The following ATP2A3 variants were observed in gnomAD, a reference collection of about 807,000 sequenced individuals.
ATP2A3 encodes the protein ATPase sarcoplasmic/endoplasmic reticulum Ca2+ transporting 3.
Under a neutral mutation model 106.8 loss-of-function variants are expected in ATP2A3, and 61 were observed. That is an observed-to-expected ratio of 0.57 (90% CI 0.46 to 0.71). The LOEUF (loss-of-function observed/expected upper bound fraction) is 0.71, where lower values mean the gene tolerates loss of function less well. Among genes scored for constraint, ATP2A3 ranks in the 30% least tolerant of loss-of-function variants. The probability of loss-of-function intolerance (pLI) is 0.00; values close to 1 mark genes in which losing one functional copy is unlikely to be tolerated. For missense variants in ATP2A3, 1,201 were observed against 1,423.5 expected, an observed-to-expected ratio of 0.84 and a Z score of 2.52; for synonymous variants, 611 against 609.3, an observed-to-expected ratio of 1.00 and a Z score of -0.04.
chr17:3,934,522 C>CTTT (rs111586874), intron 17 of ATP2A3, among the ~76,000 whole-genome samples: 38 of 123,386 alleles, frequency 3.1e-4, no homozygotes, highest in African/African-American at 6.7e-4. Context: ...CCCCTCGATT[C>CTTT]TTTTTTTTTT....
chr17:3,933,828 G>A (rs1289393554), intron 17 of ATP2A3, among the ~76,000 whole-genome samples: 1 of 151,778 alleles, frequency 6.6e-6, no homozygotes, highest in African/African-American at 2.4e-5. Flanking sequence ...TTCTACTGGT[G>A]AGGCCACTGC....
chr17:3,952,762 T>C (rs1372693746), intron 3 of ATP2A3, among the ~76,000 whole-genome samples: 2 of 152,120 alleles, frequency 1.3e-5, no homozygotes, highest in African/African-American at 4.8e-5. Context: ...GCTAATGTTT[T>C]TGTATTTTTT....
chr17:3,950,630 T>C, intron 6 of ATP2A3, 34 bp from the exon 7 acceptor site: 1 of 1,613,778 alleles, frequency 6.2e-7, no homozygotes, highest in Non-Finnish European at 8.5e-7. Context: ...AAGCCCCACA[T>C]GAAGACACGC....
In ATP2A3 at chr17:3,951,648, G is replaced by T. The variant is rs1263080292; in HGVS notation, c.257C>A (p.Thr86Asn). 1 of 1,611,674 alleles carries T rather than the reference G, an allele frequency of 6.2e-7. No individual in the cohort carries two copies. Among genetic ancestry groups the T allele is most frequent in the Non-Finnish European group, 8.5e-7 (1 of 1,179,406 alleles). ...GATGACCAGGGGCTCCACGAAGGCGGTCGTGGTCTCCTCGCCCTCCTCGAA... is the reference window on the plus strand; with the variant it reads ...GATGACCAGGGGCTCCACGAAGGCGTTCGTGGTCTCCTCGCCCTCCTCGAA... ...AWFEEGEETT[T>N]AFVEPLVIML... is the part of the protein sequence containing the mutation. Residue 86 changes from threonine (T) to asparagine (N), a missense_variant, in exon 4 of 21, where the codon ACC becomes AAC. Physicochemically the swap from Thr to Asn is moderately conservative, Grantham distance 65 (BLOSUM62 0). Transcript: ENST00000397041.
rs2053766803 is a variant in ATP2A3 at position 3,941,423 on chromosome 17, C to T, written c.1764+13G>A. ...CACCTCGTACTGCAGGGAGAATCGGCTCCTGCACCCACCTCGTACTGCACA... is the reference window on the plus strand; with the variant it reads ...CACCTCGTACTGCAGGGAGAATCGGTTCCTGCACCCACCTCGTACTGCACA... On this transcript the variant is annotated intron_variant, in intron 13 of 20. Coordinates refer to ENST00000397041, the MANE Select transcript of ATP2A3 (RefSeq NM_005173.4). 6.2e-7 allele frequency: 1 copy of T among 1,613,980 alleles called. No homozygotes were observed.
chr17:3,961,931 C>G (rs776052691), intron 1 of ATP2A3, among the ~76,000 whole-genome samples: 1 of 152,172 alleles, frequency 6.6e-6, no homozygotes, highest in Non-Finnish European at 1.5e-5. Flanking sequence ...CTCATCAGCT[C>G]CACCCCAGCA....
Position 3,953,424 on chromosome 17 carries a change from A to G in ATP2A3, c.142T>C (p.Ser48Pro), listed in dbSNP as rs1448932841. 3.1e-6 allele frequency: 5 copies of G among 1,613,886 alleles called. No individual in the cohort carries two copies. The South Asian group carries it at 5.5e-5, about 18-fold the overall frequency. Residue 48 changes from serine (S) to proline (P), a missense_variant, in exon 3 of 21, where the codon TCC becomes CCC. Transcript: ENST00000397041. This position sits in a 1 kb window ranked among gnomAD's most constrained non-coding sequence, Gnocchi z 5.1. The part of the protein sequence containing the change: ...PNELPSEEGK[S>P]LWELVLEQFE... Reference sequence around the variant, plus strand: ...TGTTCCAGCACCAGCTCCCACAGGGACTTCCCTGGGAACGGGGGTCATGTG... The same window carrying G: ...TGTTCCAGCACCAGCTCCCACAGGGGCTTCCCTGGGAACGGGGGTCATGTG...
Position 3,929,324 on chromosome 17 carries a change from T to A in ATP2A3, c.2862+4A>T, listed in dbSNP as rs2144231705. ...AGGGCAGTGGGGCAGGCGGGGTGAC[T>A]CACAGGCAGGGGCGGCACGAGCAGG... is the stretch of plus-strand genomic sequence containing the variant. On this transcript the variant is annotated splice_donor_region_variant and intron_variant, in intron 19 of 20. Coordinates refer to ENST00000397041, the MANE Select transcript of ATP2A3 (RefSeq NM_005173.4). This position sits in a 1 kb window ranked among gnomAD's most constrained non-coding sequence, Gnocchi z 4.3. The A allele has an allele frequency of 6.5e-7, 1 of 1,550,252 alleles. No individual in the cohort carries two copies. The highest frequency in any genetic ancestry group is 8.7e-7 in the Non-Finnish European group (1 of 1,146,892).
At position 3,928,012 on chromosome 17, in the gene ATP2A3, C is replaced by G. The variant is rs113298390; in HGVS notation, c.2980+651G>C. On this transcript the variant is annotated intron_variant, in intron 20 of 20. Transcript: ENST00000397041. This position sits in a 1 kb window ranked among gnomAD's most constrained non-coding sequence, Gnocchi z 6.1. Reference sequence around the variant, plus strand: ...TTCCTCCCTCTCTGAGCAGCTCTGACAGCGAGACGATGCTGTGTCCCTGGC... The same window carrying G: ...TTCCTCCCTCTCTGAGCAGCTCTGAGAGCGAGACGATGCTGTGTCCCTGGC... The G allele has an allele frequency of 3.1e-6, 5 of 1,614,094 alleles. No individual in the cohort carries two copies. Among genetic ancestry groups the G allele is most frequent in the Non-Finnish European group, 4.2e-6 (5 of 1,180,024 alleles).
At chr17:3,944,835 A>G in intron 9 of ATP2A3, 29 bp from the exon 10 acceptor site, 1 of 1,585,386 alleles carries the variant, frequency 6.3e-7, no homozygotes, top group Non-Finnish European at 8.6e-7. Flanking sequence ...CACCAGGAGG[A>G]CCTCGGCTCC....
At chr17:3,957,719 T>G (rs775902266) in intron 1 of ATP2A3, among the ~76,000 whole-genome samples, 5 of 152,218 alleles carry the variant, frequency 3.3e-5, no homozygotes, top group Non-Finnish European at 2.9e-5. Flanking sequence ...CCTTCCTTGC[T>G]CTCTCCCAGG....
At position 3,950,678 on chromosome 17, in the gene ATP2A3, T is replaced by C. The variant is rs749717283; in HGVS notation, c.544+15A>G. ...CCTGGCCCACTAGGTCCCGGCCTCC[T>C]GGGGGGGGCCTCACCCGTCAGGATG... is the stretch of plus-strand genomic sequence containing the variant. On this transcript the variant is annotated intron_variant, in intron 6 of 20. Coordinates refer to ENST00000397041, the MANE Select transcript of ATP2A3 (RefSeq NM_005173.4). The C allele has an allele frequency of 1.7e-5, 27 of 1,611,124 alleles. No individual in the cohort carries two copies. The African/African-American group carries it at 3.6e-4, about 22-fold the overall frequency.
chr17:3,925,512 C>A lies in ATP2A3; in HGVS notation c.2981-71G>T, dbSNP rs1597550896. The stretch of plus-strand genomic sequence containing the variant: ...ACACATCCAGACAGCTTCCTTCCAG[C>A]CCCTTCCATCCTCCACTTCTCCCAG... On this transcript the variant is annotated intron_variant, in intron 20 of 20. Transcript: ENST00000397041. This position sits in a 1 kb window ranked among gnomAD's most constrained non-coding sequence, Gnocchi z 4.2. 4.5e-6 allele frequency: 7 copies of A among 1,543,036 alleles called. No individual in the cohort carries two copies. The East Asian group carries it at 9.3e-5, about 21-fold the overall frequency.
chr17:3,927,985 G>C, intron 20 of ATP2A3: 2 of 1,613,940 alleles, frequency 1.2e-6, no homozygotes, highest in Non-Finnish European at 1.7e-6. Context: ...GCTCACCCCT[G>C]CTTCCTCCCT....
chr17:3,943,445 G>C lies in ATP2A3; in HGVS notation c.1365C>G (p.Phe455Leu), dbSNP rs761171240. The change falls in exon 11 of 21, where the codon TTC becomes TTG. Residue 455 changes from phenylalanine to leucine, a missense_variant. Physicochemically the swap from Phe to Leu is conservative, Grantham distance 22. Around this residue, in one of 2 missense-constraint regions of ATP2A3, gnomAD observed 935 missense variants for 1,176.7 expected, o/e 0.79. Transcript: ENST00000397041. ...GGGACAGAGCCTGCAGGTCGGTGTC[G>C]AACACGTTCATCTTCTCCACCAGGC... Reference protein sequence around the residue: ...LTCLVEKMNVFDTDLQALSRV... With the variant: ...LTCLVEKMNVLDTDLQALSRV... 1.3e-5 allele frequency: 21 copies of C among 1,613,886 alleles called. No homozygotes were observed. The highest frequency in any genetic ancestry group is 1.6e-5 in the Non-Finnish European group (19 of 1,179,996).
At position 3,929,324 on chromosome 17, in the gene ATP2A3, TCA is replaced by T; in HGVS notation, c.2862+2_2862+3del. The T allele has an allele frequency of 6.5e-7, 1 of 1,550,252 alleles. No individual in the cohort carries two copies. Among genetic ancestry groups the T allele is most frequent in the Non-Finnish European group, 8.7e-7 (1 of 1,146,892 alleles). ...AGGGCAGTGGGGCAGGCGGGGTGAC[TCA>T]CAGGCAGGGGCGGCACGAGCAGGAT... On this transcript the variant is annotated splice_donor_variant and splice_donor_region_variant and intron_variant, in intron 19 of 20. Coordinates refer to ENST00000397041, the MANE Select transcript of ATP2A3 (RefSeq NM_005173.4). LOFTEE classifies it high-confidence loss of function. This position sits in a 1 kb window ranked among gnomAD's most constrained non-coding sequence, Gnocchi z 4.3.
rs1191419362 is a variant in ATP2A3, at chr17:3,945,167, T to C, written c.1096-19A>G. The C allele has an allele frequency of 5.8e-6, 9 of 1,541,714 alleles. No individual in the cohort carries two copies. The African/African-American group carries it at 9.6e-5, about 17-fold the overall frequency. On this transcript the variant is annotated intron_variant, in intron 8 of 20. Coordinates refer to ENST00000397041, the MANE Select transcript of ATP2A3 (RefSeq NM_005173.4). ...CGAACATCTGGGGAGCGCAGGGGCG[T>C]GCTTAGGCGGGCGGGGTCGCCTCCC... is the stretch of plus-strand genomic sequence containing the variant.
Position 3,936,560 on chromosome 17 carries a change from C to T in ATP2A3, c.2322-91G>A, listed in dbSNP as rs1320638618. On this transcript the variant is annotated intron_variant, in intron 15 of 20. Transcript: ENST00000397041. This position sits in a 1 kb window ranked among gnomAD's most constrained non-coding sequence, Gnocchi z 5.4. ...CTGCTCAGACCCAAGGCTGGGAGCTCACCCACCCACTGTCTCCACAGCAGC... is the reference window on the plus strand; with the variant it reads ...CTGCTCAGACCCAAGGCTGGGAGCTTACCCACCCACTGTCTCCACAGCAGC... The T allele has an allele frequency of 3.6e-6, 5 of 1,378,148 alleles. No individual in the cohort carries two copies. In the African/African-American group the frequency reaches 4.3e-5, roughly 12 times the overall value. 85.4% of individuals were successfully genotyped at this position (1,378,148 alleles called of 1,614,324 possible).
At chr17:3,954,697 A>G (rs1338659583) in intron 1 of ATP2A3, among the ~76,000 whole-genome samples, 2 of 151,898 alleles carry the variant, frequency 1.3e-5, no homozygotes, top group East Asian at 3.9e-4. Context: ...GGGTTTCACT[A>G]TGTTGGCCAG....
Sources: allele counts gnomAD v4.1 joint callset (sites outside exome capture counted in the v4.1 genomes callset), GRCh38; gene constraint gnomAD v4.1.1; regional missense constraint gnomAD v4.1.1; non-coding constraint Gnocchi (gnomAD v3.1); transcripts MANE v1.5; gene names NCBI Gene and HGNC (gene_info 2026-07-23, HGNC 2026-07-21).